FGFR1: variants seen among roughly 807,000 people sequenced by gnomAD.
FGFR1 encodes FGFR1/PLAG1 fusion.
A neutral mutation model predicts 93.7 loss-of-function variants in FGFR1; 18 were observed. The ratio of observed to expected loss-of-function variants is 0.19; its 90% CI spans 0.13 to 0.28. The LOEUF is 0.28. FGFR1 is among the 10% of genes least tolerant of loss of function. The pLI, the probability that FGFR1 is intolerant of heterozygous loss-of-function variation, is 1.00. For synonymous variants in FGFR1, 448 were observed against 429.3 expected, an observed-to-expected ratio of 1.04 and a Z score of -0.54; for missense variants, 731 against 1,080.4, an observed-to-expected ratio of 0.68 and a Z score of 4.53.
chr8:38,414,503 C>T (rs778661038), intron 15 of FGFR1, 56 bp downstream of exon 15: 363 of 1,596,354 alleles, frequency 2.3e-4, no homozygotes, highest in Non-Finnish European at 1.0e-4. Flanking sequence ...CAGGACTCTA[C>T]AGTGCTAGAA....
chr8:38,412,542 T>A lies in FGFR1; in HGVS notation c.*1086A>T, dbSNP rs1287148499. 8.6e-6 allele frequency: 2 copies of A among 233,052 alleles called. No individual in the cohort carries two copies. The highest frequency in any genetic ancestry group is 1.7e-5 in the Non-Finnish European group (2 of 117,944). 14.4% of individuals were successfully genotyped at this position (233,052 alleles called of 1,614,324 possible). On this transcript the variant is annotated 3_prime_UTR_variant, in exon 18 of 18. Transcript: ENST00000447712. ...GAAGCAGACATCTTCTTTTTCTGAC[T>A]TTCCAAAAGCAGCGGAGAGGCAGGA...
rs773442656 is a variant in FGFR1 at position 38,429,937 on chromosome 8, C to T, written c.103G>A (p.Gly35Arg). The change falls in exon 3 of 18, where the codon GGA (glycine) becomes AGA (arginine). Residue 35 changes from glycine to arginine, a missense_variant. Physicochemically the swap from Gly to Arg is moderately radical, Grantham distance 125. This residue lies in a region of FGFR1 where 212 missense variants were observed against 205.8 expected (regional missense o/e 1.03). Coordinates refer to ENST00000447712, the MANE Select transcript of FGFR1 (RefSeq NM_023110.3). The surrounding 1 kb of genome is among the most constrained non-coding windows in gnomAD (Gnocchi z 4.4). Reference sequence around the variant, plus strand: ...AAGGACTCCACTTCCACAGGGGCTCCCCAGGGCTGGGCTGCAGCCACCACG... The same window carrying T: ...AAGGACTCCACTTCCACAGGGGCTCTCCAGGGCTGGGCTGCAGCCACCACG... The part of the protein sequence containing the change: ...PTLPEQAQPW[G>R]APVEVESFLV... 1.1e-5 allele frequency: 17 copies of T among 1,609,004 alleles called. No homozygotes were observed. The East Asian group carries it at 3.6e-4, about 34-fold the overall frequency.
Position 38,424,435 on chromosome 8 carries a change from A to C in FGFR1, c.936+74T>G. On this transcript the variant is annotated intron_variant, in intron 7 of 17. Coordinates refer to ENST00000447712, the MANE Select transcript of FGFR1 (RefSeq NM_023110.3). The surrounding 1 kb of genome is among the most constrained non-coding windows in gnomAD (Gnocchi z 4.3). ...CATTCGGGGGCAACTGAGCCTGCCC[A>C]CAGGAACTTGAGCCCCCGAGACAGT... 1.3e-6 allele frequency: 2 copies of C among 1,558,222 alleles called. No homozygotes were observed. Among genetic ancestry groups the C allele is most frequent in the Non-Finnish European group, 1.8e-6 (2 of 1,129,678 alleles).
chr8:38,434,329 CT>C (rs57569029), intron 2 of FGFR1: 6,056 of 113,586 alleles, frequency 0.053, 22 homozygotes, highest in South Asian at 0.092. Flanking sequence ...ATTGCTGCTG[CT>C]TTTTTTTTTT....
chr8:38,415,196 G>A (rs1815975493), intron 13 of FGFR1, among the ~76,000 whole-genome samples: 1 of 152,190 alleles, frequency 6.6e-6, no homozygotes, highest in Non-Finnish European at 1.5e-5. Context: ...ACATGGGGCT[G>A]GGCTCAAACC....
chr8:38,440,798 C>T (rs756686501), intron 2 of FGFR1, among the ~76,000 whole-genome samples: 6 of 152,104 alleles, frequency 3.9e-5, no homozygotes, highest in Non-Finnish European at 5.9e-5. Context: ...GCAGGTCCCC[C>T]CGTGCGTTGC....
intron 4 of FGFR1, 111 bp from the exon 5 acceptor site, chr8:38,428,204 C>G: frequency 6.6e-7 from 1 of 1,522,150 alleles, no homozygotes. Flanking sequence ...CTGCCCAACA[C>G]CTGTGAGCAG....
In FGFR1 at chr8:38,456,994, T is replaced by C. The variant is rs576585593; in HGVS notation, c.91+362A>G. On this transcript the variant is annotated intron_variant, in intron 2 of 17. Coordinates refer to ENST00000447712, the MANE Select transcript of FGFR1 (RefSeq NM_023110.3). ...AAATTCTAAGGTCATTCTCTCCCCA[T>C]TGCACCACCAGCTGCATTTTATACA... 7.9e-5 allele frequency among the ~76,000 whole-genome samples: 12 copies of C among 152,292 alleles called. No homozygotes were observed. The East Asian group carries it at 9.6e-4, about 12-fold the overall frequency.
chr8:38,455,960 C>T (rs1205505587), intron 2 of FGFR1, among the ~76,000 whole-genome samples: 6 of 152,196 alleles, frequency 3.9e-5, no homozygotes, highest in South Asian at 2.1e-4. Context: ...GGGTCCCCAC[C>T]GTGCTCCAGC....
chr8:38,447,593 T>C (rs1829767467), intron 2 of FGFR1, among the ~76,000 whole-genome samples: 2 of 152,154 alleles, frequency 1.3e-5, no homozygotes, highest in Non-Finnish European at 2.9e-5. Context: ...GCTATTCTCC[T>C]GCCTCAGCCT....
chr8:38,456,917 A>G (rs1832992560), intron 2 of FGFR1, among the ~76,000 whole-genome samples: 1 of 152,062 alleles, frequency 6.6e-6, no homozygotes, highest in African/African-American at 2.4e-5. Context: ...GGTCTTTAGC[A>G]AGCTCTCACC....
Position 38,427,980 on chromosome 8 carries a change from G to T in FGFR1, c.562C>A (p.Leu188Met). 1 of 1,614,272 alleles carries T rather than the reference G, an allele frequency of 6.2e-7. No homozygotes were observed. The highest frequency in any genetic ancestry group is 8.5e-7 in the Non-Finnish European group (1 of 1,180,058). The change falls in exon 5 of 18, where the codon CTG becomes ATG. Residue 188 changes from leucine (L) to methionine (M), a missense_variant. Around this residue, in one of 10 missense-constraint regions of FGFR1, gnomAD observed 109 missense variants for 249.4 expected, o/e 0.44. Transcript: ENST00000447712. ...CPSSGTPNPT[L>M]RWLKNGKEFK... ...TCTTTGCCATTTTTCAACCAGCGCA[G>T]TGTGGGGTTTGGGGTCCCACTGGAA...
chr8:38,424,218 T>C lies in FGFR1; in HGVS notation c.936+291A>G, dbSNP rs1397947472. 3.6e-6 allele frequency: 2 copies of C among 560,038 alleles called. No homozygotes were observed. Among genetic ancestry groups the C allele is most frequent in the East Asian group, 3.5e-5 (1 of 28,968 alleles). The allele number at this position is 560,038 out of a possible 1,614,324, so 34.7% of individuals were successfully genotyped here. A position where few individuals can be genotyped will look rare whatever the true frequency, so the allele number is the denominator to read the frequency against. ...ATGAAAAGGCAGGGGTCCAAATGCCTTCCTTGTGTAGCTGACCCCAAAGCC... is the reference window on the plus strand; with the variant it reads ...ATGAAAAGGCAGGGGTCCAAATGCCCTCCTTGTGTAGCTGACCCCAAAGCC... On this transcript the variant is annotated intron_variant, in intron 7 of 17. Coordinates refer to ENST00000447712, the MANE Select transcript of FGFR1 (RefSeq NM_023110.3). The surrounding 1 kb of genome is among the most constrained non-coding windows in gnomAD (Gnocchi z 4.3).
rs552805952 is a variant in FGFR1, at chr8:38,451,588, C to T, written c.91+5768G>A. Among the ~76,000 whole-genome samples the T allele has an allele frequency of 2.6e-5, 4 of 152,206 alleles. No homozygotes were observed. In the East Asian group the frequency reaches 7.8e-4, roughly 29 times the overall value. On this transcript the variant is annotated intron_variant, in intron 2 of 17. Transcript: ENST00000447712. ...CCGCTTTGTGGTGCACACAGGGCAT[C>T]CAGGGGGCTTGAGGCCAGAATGGAA...
At position 38,413,918 on chromosome 8, in the gene FGFR1, C is replaced by G. The variant is rs121909643; in HGVS notation, c.2292G>C (p.Gln764His). Residue 764 changes from glutamine (Q) to histidine (H), a missense_variant and splice_region_variant, in exon 17 of 18, where the codon CAG becomes CAC. Physicochemically the swap from Gln to His is conservative, Grantham distance 24. This residue lies in a region of FGFR1 where 79 missense variants were observed against 97.2 expected (regional missense o/e 0.81). Coordinates refer to ENST00000447712, the MANE Select transcript of FGFR1 (RefSeq NM_023110.3). This position sits in a 1 kb window ranked among gnomAD's most constrained non-coding sequence, Gnocchi z 4.2. ...LDRIVALTSN[Q>H]EYLDLSMPLD... ...CTGGCTCTGGCACGGGCAGCCTTACCTGGTTGGAGGTCAAGGCCACGATGC... is the reference window on the plus strand; with the variant it reads ...CTGGCTCTGGCACGGGCAGCCTTACGTGGTTGGAGGTCAAGGCCACGATGC... 6 of 1,613,948 alleles carry G rather than the reference C, an allele frequency of 3.7e-6. No homozygotes were observed. Among genetic ancestry groups the G allele is most frequent in the Non-Finnish European group, 4.2e-6 (5 of 1,179,938 alleles).
At chr8:38,438,759 T>C (rs1332160296) in intron 2 of FGFR1, among the ~76,000 whole-genome samples, 2 of 152,094 alleles carry the variant, frequency 1.3e-5, no homozygotes, top group Admixed American at 1.3e-4. Flanking sequence ...GTGTCTTGAC[T>C]TCCCCAGGTG....
At chr8:38,454,124 CG>C (rs1831977678) in intron 2 of FGFR1, among the ~76,000 whole-genome samples, 1 of 152,090 alleles carries the variant, frequency 6.6e-6, no homozygotes, top group Non-Finnish European at 1.5e-5. Context: ...TTCACAGGGC[CG>C]GTACTTTGTC....
chr8:38,435,248 A>G (rs1053511511), intron 2 of FGFR1: 1 of 152,216 alleles, frequency 6.6e-6, no homozygotes, highest in Non-Finnish European at 1.5e-5. Flanking sequence ...CGTACCTGTT[A>G]TAATTTTCCC....
chr8:38,432,880 T>C, intron 2 of FGFR1, among the ~76,000 whole-genome samples: 1 of 145,442 alleles, frequency 6.9e-6, no homozygotes, highest in Non-Finnish European at 1.5e-5. Context: ...CCCCATTCTC[T>C]CTACCAGGGG....
Sources: allele counts gnomAD v4.1 joint callset (sites outside exome capture counted in the v4.1 genomes callset), GRCh38; gene constraint gnomAD v4.1.1; regional missense constraint gnomAD v4.1.1; non-coding constraint Gnocchi (gnomAD v3.1); transcripts MANE v1.5; gene names NCBI Gene and HGNC (gene_info 2026-07-23, HGNC 2026-07-21).